The following STARD13 variants were observed in gnomAD, a reference collection of about 807,000 sequenced individuals.
The protein encoded by STARD13 is StAR related lipid transfer domain containing 13, also known as stAR-related lipid transfer protein 13.
Under a neutral mutation model 106.4 loss-of-function variants are expected in STARD13, and 62 were observed. That is an observed-to-expected ratio of 0.58 (90% CI 0.48 to 0.72). The LOEUF (loss-of-function observed/expected upper bound fraction) is 0.72, where lower values mean the gene tolerates loss of function less well. Ranked by LOEUF, STARD13 falls within the 30% of genes least tolerant of loss-of-function variation. The pLI is 0.00. For missense variants in STARD13, 1,387 were observed against 1,424.0 expected (o/e 0.97, Z 0.42); for synonymous variants, 565 against 553.0 (o/e 1.02, Z -0.31).
the STARD13 span, among the ~76,000 whole-genome samples, chr13:33,562,607 C>G: frequency 8.6e-4 from 126 of 146,688 alleles, 21 homozygotes; most frequent in African/African-American, 2.8e-3. Context: ...GGGGTCCTGT[C>G]TTATTCATCT....
chr13:33,360,872 T>TGCAA, the STARD13 span, among the ~76,000 whole-genome samples: 1 of 146,750 alleles, frequency 6.8e-6, no homozygotes, highest in East Asian at 2.1e-4. Context: ...CTGAGCTCAC[T>TGCAA]GCAAGCTCCG....
chr13:33,199,767 A>G (rs935328736), intron 1 of STARD13, among the ~76,000 whole-genome samples: 2 of 152,194 alleles, frequency 1.3e-5, no homozygotes, highest in African/African-American at 4.8e-5. Flanking sequence ...GGTTCTTTTC[A>G]TGGAGTAATT....
the STARD13 span, among the ~76,000 whole-genome samples, chr13:33,407,312 C>T: frequency 6.6e-6 from 1 of 152,148 alleles, no homozygotes; most frequent in Non-Finnish European, 1.5e-5. Flanking sequence ...CAGTCATTGT[C>T]CCCTCAGCAT....
At chr13:33,633,887 T>A in the STARD13 span, among the ~76,000 whole-genome samples, 1 of 152,278 alleles carries the variant, frequency 6.6e-6, no homozygotes, top group South Asian at 2.1e-4. Context: ...CTGACCACCC[T>A]CTTGGGGCTC....
the STARD13 span, among the ~76,000 whole-genome samples, chr13:33,624,799 T>G: frequency 6.6e-6 from 1 of 152,252 alleles, no homozygotes; most frequent in Non-Finnish European, 1.5e-5. Context: ...CAAGGCAACT[T>G]GCCCAAGGCC....
At chr13:33,573,312 A>C in the STARD13 span, among the ~76,000 whole-genome samples, 1 of 152,198 alleles carries the variant, frequency 6.6e-6, no homozygotes, top group Non-Finnish European at 1.5e-5. Flanking sequence ...CATGGAAAAC[A>C]TGTGCTCTAG....
At chr13:33,200,005 G>A (rs1427113284) in intron 1 of STARD13, among the ~76,000 whole-genome samples, 2 of 152,180 alleles carry the variant, frequency 1.3e-5, no homozygotes, top group African/African-American at 2.4e-5. Context: ...AGCTTTTATG[G>A]CATAATCTTT....
chr13:33,202,278 G>T (rs952035578), intron 1 of STARD13, among the ~76,000 whole-genome samples: 2 of 152,158 alleles, frequency 1.3e-5, no homozygotes, highest in Non-Finnish European at 2.9e-5. Flanking sequence ...TTAGATGTAG[G>T]GTTTTGCATT....
chr13:33,360,543 G>C, the STARD13 span, among the ~76,000 whole-genome samples: 3 of 150,448 alleles, frequency 2.0e-5, no homozygotes, highest in African/African-American at 7.3e-5. Flanking sequence ...CTTCCTGTTA[G>C]TGCCTTATGA....
At position 33,130,496 on chromosome 13, in the gene STARD13, C is replaced by T. The variant is rs1472662995; in HGVS notation, c.388-207G>A. 1.3e-5 allele frequency among the ~76,000 whole-genome samples: 2 copies of T among 152,176 alleles called. No individual in the cohort carries two copies. The highest frequency in any genetic ancestry group is 2.9e-5 in the Non-Finnish European group (2 of 68,036). On this transcript the variant is annotated intron_variant, in intron 4 of 13. Coordinates refer to ENST00000336934, the MANE Select transcript of STARD13 (RefSeq NM_178006.4). The surrounding 1 kb of genome is among the most constrained non-coding windows in gnomAD (Gnocchi z 4.1). ...ACCCTTCCTCCCAGTGGCCAGAGGACCCTTCTCAACTTGCCAAACTTTCTT... is the reference window on the plus strand; with the variant it reads ...ACCCTTCCTCCCAGTGGCCAGAGGATCCTTCTCAACTTGCCAAACTTTCTT...
rs776277952 is a variant in STARD13, at chr13:33,104,681, C to A, written c.*912G>T. The A allele has an allele frequency of 6.5e-6, 1 of 153,306 alleles. No individual in the cohort carries two copies. Among genetic ancestry groups the A allele is most frequent in the Non-Finnish European group, 1.5e-5 (1 of 68,032 alleles). The allele number at this position is 153,306 out of a possible 1,614,324, so 9.5% of individuals were successfully genotyped here. ...ATGTATTTATAAAAACTTGAGACAA[C>A]ACAGGGGCTCCCTTTGGCTGTGAAG... is the stretch of plus-strand genomic sequence containing the variant. On this transcript the variant is annotated 3_prime_UTR_variant, in exon 14 of 14. Transcript: ENST00000336934.
chr13:33,408,457 G>A, the STARD13 span, among the ~76,000 whole-genome samples: 5 of 151,846 alleles, frequency 3.3e-5, no homozygotes, highest in East Asian at 7.8e-4. Flanking sequence ...TCTCCTCAAG[G>A]ATCATCCACA....
the STARD13 span, among the ~76,000 whole-genome samples, chr13:33,519,215 T>C: frequency 1.9e-5 from 2 of 105,920 alleles, no homozygotes; most frequent in African/African-American, 4.0e-5. Flanking sequence ...ATTTTTTCTT[T>C]CTTTCTTTCT....
At chr13:33,350,729 C>T, upstream of STARD13, 2 of 984,816 alleles carry the variant, frequency 2.0e-6, no homozygotes, top group Non-Finnish European at 2.5e-6. Context: ...CCCTCCCCTG[C>T]CCTCCCCCTG....
the STARD13 span, among the ~76,000 whole-genome samples, chr13:33,670,072 G>C: frequency 6.6e-6 from 1 of 152,122 alleles, no homozygotes; most frequent in Admixed American, 6.5e-5. Flanking sequence ...TTCTGGATTG[G>C]CTGATCATTT....
downstream of STARD13, among the ~76,000 whole-genome samples, chr13:33,345,940 T>C (rs913086296): frequency 1.3e-5 from 2 of 152,216 alleles, no homozygotes; most frequent in African/African-American, 4.8e-5. Flanking sequence ...TAAATGCTTT[T>C]GTACCTGTGG....
At chr13:33,657,423 G>GT in the STARD13 span, 1 of 152,230 alleles carries the variant, frequency 6.6e-6, no homozygotes, top group Non-Finnish European at 1.5e-5. Flanking sequence ...CATGATCCCT[G>GT]TCGTTACAGA....
At chr13:33,224,880 G>A (rs949095779) in intron 1 of STARD13, among the ~76,000 whole-genome samples, 3 of 151,942 alleles carry the variant, frequency 2.0e-5, no homozygotes, top group African/African-American at 4.8e-5. Context: ...AAGCATAACC[G>A]ACCTTTGATT....
the STARD13 span, among the ~76,000 whole-genome samples, chr13:33,551,573 T>TTTTTTTC: frequency 8.1e-5 from 1 of 12,344 alleles, no homozygotes. Flanking sequence ...TTTTCCCTTT[T>TTTTTTTC]TTTTTTTTTT....
Sources: gnomAD v4.1 joint callset for allele counts (sites outside exome capture counted in the v4.1 genomes callset) on GRCh38, gnomAD v4.1.1 for gene constraint, Gnocchi (gnomAD v3.1) non-coding constraint, MANE v1.5 for transcripts, NCBI Gene and HGNC (gene_info 2026-07-23, HGNC 2026-07-21) for gene names.